PCGF5: variants seen among roughly 807,000 people sequenced by gnomAD.
PCGF5 encodes polycomb group RING finger protein 5.
A neutral mutation model predicts 44.3 loss-of-function variants in PCGF5; 9 were observed. The observed-to-expected ratio is 0.20, with a 90% CI of 0.12 to 0.35. The LOEUF (loss-of-function observed/expected upper bound fraction) is 0.35, where lower values mean the gene tolerates loss of function less well. Ranked by LOEUF, PCGF5 falls within the 10% of genes least tolerant of loss-of-function variation. The probability of loss-of-function intolerance (pLI) is 1.00; values close to 1 mark genes in which losing one functional copy is unlikely to be tolerated. For synonymous variants in PCGF5, 95 were observed against 102.5 expected (o/e 0.93, Z 0.44); for missense variants, 146 against 305.3 (o/e 0.48, Z 3.89).
intron 1 of PCGF5, among the ~76,000 whole-genome samples, chr10:91,179,011 C>T (rs1843768726): frequency 6.6e-6 from 1 of 152,208 alleles, no homozygotes; most frequent in Admixed American, 6.5e-5. Flanking sequence ...ACTTACTTGA[C>T]TTTGGGTAAG....
chr10:91,194,366 G>A (rs996481101), intron 1 of PCGF5, among the ~76,000 whole-genome samples: 7 of 152,148 alleles, frequency 4.6e-5, no homozygotes, highest in Admixed American at 1.3e-4. Flanking sequence ...ACGGGAGAAT[G>A]GCCAGAGAGA....
chr10:91,178,370 G>C (rs1361364992), intron 1 of PCGF5, among the ~76,000 whole-genome samples: 3 of 151,268 alleles, frequency 2.0e-5, no homozygotes, highest in African/African-American at 4.9e-5. Context: ...GGGTATTGCT[G>C]TTTCTCTTTC....
chr10:91,230,846 C>G (rs116997468), intron 2 of PCGF5, among the ~76,000 whole-genome samples: 10,742 of 152,174 alleles, frequency 0.071, 528 homozygotes, highest in Non-Finnish European at 0.11. Flanking sequence ...TGGTCTTGAA[C>G]TCCTGGGCTC....
At chr10:91,227,892 A>G (rs1844891865) in intron 2 of PCGF5, 4 of 983,592 alleles carry the variant, frequency 4.1e-6, no homozygotes, top group Non-Finnish European at 4.8e-6. Context: ...GATGTGCCCT[A>G]CCACCTGCAG....
intron 1 of PCGF5, among the ~76,000 whole-genome samples, chr10:91,169,395 C>T (rs1018392687): frequency 1.3e-5 from 2 of 151,960 alleles, no homozygotes; most frequent in African/African-American, 4.8e-5. Context: ...TCAACAACAA[C>T]AAAAAAACCT....
chr10:91,173,578 C>CTTTTTTTTTT (rs59254639), intron 1 of PCGF5, among the ~76,000 whole-genome samples: 2,494 of 115,108 alleles, frequency 0.022, 152 homozygotes, highest in East Asian at 0.11. Flanking sequence ...AGGGAGTTGG[C>CTTTTTTTTTT]TTTTTTTTTT....
At chr10:91,271,209 C>T (rs898896216) in intron 8 of PCGF5, among the ~76,000 whole-genome samples, 1 of 151,996 alleles carries the variant, frequency 6.6e-6, no homozygotes, top group African/African-American at 2.4e-5. Flanking sequence ...CGGAGTTCCA[C>T]GTCCCTCCCA....
At chr10:91,267,453 C>G (rs544250197) in intron 8 of PCGF5, among the ~76,000 whole-genome samples, 26 of 152,290 alleles carry the variant, frequency 1.7e-4, no homozygotes, top group African/African-American at 5.8e-4. Context: ...TGCTAAATCT[C>G]CAGCACCTAG....
intron 1 of PCGF5, among the ~76,000 whole-genome samples, chr10:91,177,949 A>G (rs1300698352): frequency 6.6e-6 from 1 of 152,196 alleles, no homozygotes; most frequent in Non-Finnish European, 1.5e-5. Flanking sequence ...ATCCCCAGTG[A>G]GATGAACCCG....
chr10:91,217,595 T>C (rs556224739), upstream of PCGF5, among the ~76,000 whole-genome samples: 2 of 152,298 alleles, frequency 1.3e-5, no homozygotes, highest in African/African-American at 4.8e-5. Context: ...TAAGAGCCAT[T>C]TGTGGTTCTC....
At chr10:91,261,907 T>C (rs1399729171) in intron 7 of PCGF5, among the ~76,000 whole-genome samples, 2 of 152,224 alleles carry the variant, frequency 1.3e-5, no homozygotes, top group Non-Finnish European at 2.9e-5. Flanking sequence ...ATATTATAGC[T>C]GCATAAATGT....
At chr10:91,269,154 T>G (rs1846117654) in intron 8 of PCGF5, among the ~76,000 whole-genome samples, 1 of 152,232 alleles carries the variant, frequency 6.6e-6, no homozygotes, top group Admixed American at 6.5e-5. Flanking sequence ...ATCTGATCTT[T>G]GGACCATCCT....
rs780023639 is a variant in PCGF5 at position 91,278,585 on chromosome 10, C to T, written c.*269C>T. 1.2e-5 allele frequency: 5 copies of T among 403,272 alleles called. No homozygotes were observed. Among genetic ancestry groups the T allele is most frequent in the African/African-American group, 4.1e-5 (2 of 49,030 alleles). The allele number at this position is 403,272 out of a possible 1,614,324, so 25.0% of individuals were successfully genotyped here. A position where few individuals can be genotyped will look rare whatever the true frequency, so the allele number is the denominator to read the frequency against. ...CATGGTAAAAATCAGTTAGCTGTGCCGCCATGATTCACCCTTCTGAATATT... is the reference window on the plus strand; with the variant it reads ...CATGGTAAAAATCAGTTAGCTGTGCTGCCATGATTCACCCTTCTGAATATT... On this transcript the variant is annotated 3_prime_UTR_variant, in exon 10 of 10. Coordinates refer to ENST00000336126, the MANE Select transcript of PCGF5 (RefSeq NM_032373.5).
intron 3 of PCGF5, among the ~76,000 whole-genome samples, chr10:91,242,816 A>G (rs750174808): frequency 2.0e-5 from 3 of 152,134 alleles, no homozygotes; most frequent in Non-Finnish European, 2.9e-5. Context: ...GCTTTAGTGT[A>G]TATTTCCTAA....
chr10:91,248,837 A>G (rs146439628), intron 5 of PCGF5, 113 bp downstream of exon 5: 31 of 859,650 alleles, frequency 3.6e-5, no homozygotes, highest in African/African-American at 3.6e-4. Context: ...CACAAAATTC[A>G]TGCACCCTTT....
At chr10:91,193,549 G>A (rs1313549550) in intron 1 of PCGF5, among the ~76,000 whole-genome samples, 11 of 151,892 alleles carry the variant, frequency 7.2e-5, no homozygotes, top group Non-Finnish European at 1.0e-4. Context: ...GAGGGGTGGC[G>A]AGGGGTAGTT....
At chr10:91,275,685 C>G (rs1240118395) in intron 9 of PCGF5, among the ~76,000 whole-genome samples, 1 of 150,168 alleles carries the variant, frequency 6.7e-6, no homozygotes, top group Non-Finnish European at 1.5e-5. Flanking sequence ...GATCTCTTGA[C>G]CTCGTGATCT....
chr10:91,182,736 C>T (rs959829086), intron 1 of PCGF5, among the ~76,000 whole-genome samples: 10 of 152,132 alleles, frequency 6.6e-5, no homozygotes, highest in African/African-American at 2.4e-4. Flanking sequence ...GACTCTGTTA[C>T]ATTGTATCTT....
chr10:91,267,691 A>G (rs1203763884), intron 8 of PCGF5, among the ~76,000 whole-genome samples: 1 of 152,158 alleles, frequency 6.6e-6, no homozygotes, highest in Non-Finnish European at 1.5e-5. Flanking sequence ...AGTGACATGG[A>G]CGAATGCAGC....
Sources: allele counts gnomAD v4.1 joint callset (sites outside exome capture counted in the v4.1 genomes callset), GRCh38; gene constraint gnomAD v4.1.1; transcripts MANE v1.5; gene names NCBI Gene and HGNC (gene_info 2026-07-23, HGNC 2026-07-21).